The following RIPK2 variants were observed in gnomAD, a reference collection of about 807,000 sequenced individuals.
RIPK2 encodes receptor interacting serine/threonine kinase 2.
Under a neutral mutation model 60.9 loss-of-function variants are expected in RIPK2, and 38 were observed. The ratio of observed to expected loss-of-function variants is 0.62; its 90% CI spans 0.48 to 0.82. The LOEUF (loss-of-function observed/expected upper bound fraction) is 0.82, where lower values mean the gene tolerates loss of function less well. Among genes scored for constraint, RIPK2 ranks in the 40% least tolerant of loss-of-function variants. The pLI is 0.00. For synonymous variants in RIPK2, 225 were observed against 223.4 expected (o/e 1.01, Z -0.06); for missense variants, 518 against 647.0 (o/e 0.80, Z 2.16).
intron 4 of RIPK2, among the ~76,000 whole-genome samples, 193 bp from the exon 5 acceptor site, chr8:89,771,547 AT>A (rs1809310767): frequency 1.3e-5 from 2 of 152,008 alleles, no homozygotes; most frequent in East Asian, 1.9e-4. Context: ...TAATTTCCTA[AT>A]TTTTTAACTT....
intron 6 of RIPK2, among the ~76,000 whole-genome samples, chr8:89,774,324 G>T (rs1195863783): frequency 6.6e-6 from 1 of 152,096 alleles, no homozygotes; most frequent in Non-Finnish European, 1.5e-5. Context: ...ATTTGGAAAT[G>T]CAAATTAAAA....
intron 9 of RIPK2, among the ~76,000 whole-genome samples, chr8:89,788,867 T>C (rs1051588571): frequency 1.3e-5 from 2 of 150,706 alleles, no homozygotes; most frequent in Admixed American, 1.3e-4. Context: ...AGGAAGGAAA[T>C]ATAAGACGAA....
intron 7 of RIPK2, among the ~76,000 whole-genome samples, chr8:89,781,613 AT>A (rs1439175174): frequency 6.6e-6 from 1 of 152,088 alleles, no homozygotes; most frequent in Non-Finnish European, 1.5e-5. Context: ...TGTGATACTT[AT>A]AGGGCAAGAA....
chr8:89,771,800 GT>G lies in RIPK2; in HGVS notation c.691+13del. The G allele has an allele frequency of 6.3e-7, 1 of 1,585,348 alleles. No homozygotes were observed. The highest frequency in any genetic ancestry group is 2.2e-5 in the East Asian group (1 of 44,502). ...AAACAGCCTTTTGAAGGTAAGTATG[GT>G]TTGACTTTTTTATGCTCAATAACAT... On this transcript the variant is annotated intron_variant, in intron 5 of 10. Coordinates refer to ENST00000220751, the MANE Select transcript of RIPK2 (RefSeq NM_003821.6).
Position 89,758,253 on chromosome 8 carries a change from C to T in RIPK2, c.173+20C>T. On this transcript the variant is annotated intron_variant, in intron 1 of 10. Transcript: ENST00000220751. ...CGACAGGTAGGCAGTCACTGGGGTTCCCTGGAAGAGCCCTCAACTCCTGCA... is the reference window on the plus strand; with the variant it reads ...CGACAGGTAGGCAGTCACTGGGGTTTCCTGGAAGAGCCCTCAACTCCTGCA... 1.3e-6 allele frequency: 2 copies of T among 1,581,116 alleles called. No individual in the cohort carries two copies. Among genetic ancestry groups the T allele is most frequent in the Non-Finnish European group, 1.7e-6 (2 of 1,164,326 alleles).
chr8:89,778,335 C>A (rs952508938), intron 6 of RIPK2, among the ~76,000 whole-genome samples: 3 of 151,786 alleles, frequency 2.0e-5, no homozygotes, highest in Non-Finnish European at 4.4e-5. Context: ...ATTTACTTAC[C>A]ATAAAATTTA....
At chr8:89,783,176 A>T (rs950448244) in intron 7 of RIPK2, among the ~76,000 whole-genome samples, 1 of 152,184 alleles carries the variant, frequency 6.6e-6, no homozygotes, top group African/African-American at 2.4e-5. Context: ...CCATTTTCCA[A>T]ATTCTGAAGA....
intron 2 of RIPK2, among the ~76,000 whole-genome samples, chr8:89,764,225 GC>G (rs1381324036): frequency 2.0e-5 from 3 of 152,110 alleles, no homozygotes; most frequent in Non-Finnish European, 4.4e-5. Context: ...CTCTGTGTAT[GC>G]CAGAGAAAGT....
At position 89,762,313 on chromosome 8, in the gene RIPK2, G is replaced by A. The variant is rs764775528; in HGVS notation, c.174-516G>A. ...CTCAGTGATCTTTTCCTGAGTTCTG[G>A]TATATAATTTATAAATATTACTGAC... On this transcript the variant is annotated intron_variant, in intron 1 of 10. Transcript: ENST00000220751. Among the ~76,000 whole-genome samples, 45 of 151,994 alleles carry A rather than the reference G, an allele frequency of 3.0e-4. 1 individual carries two copies. Among genetic ancestry groups the A allele is most frequent in the African/African-American group, 9.2e-4 (38 of 41,420 alleles).
At chr8:89,762,674 A>C (rs866678154) in intron 1 of RIPK2, among the ~76,000 whole-genome samples, 155 bp from the exon 2 acceptor site, 1 of 152,182 alleles carries the variant, frequency 6.6e-6, no homozygotes, top group African/African-American at 2.4e-5. Flanking sequence ...TATTATTTCT[A>C]TTTTAAATAT....
At position 89,785,156 on chromosome 8, in the gene RIPK2, C is replaced by G. The variant is rs116004048; in HGVS notation, c.1029+1017C>G. Among the ~76,000 whole-genome samples the G allele has an allele frequency of 6.4e-3, 970 of 152,250 alleles. 16 individuals carry two copies. Among genetic ancestry groups the G allele is most frequent in the African/African-American group, 0.022 (923 of 41,520 alleles). The stretch of plus-strand genomic sequence containing the variant: ...CATATCAAACCATAGCAACATCTGA[C>G]CTCATATGATAGGTCGCAGTCAAAA... On this transcript the variant is annotated intron_variant, in intron 8 of 10. Coordinates refer to ENST00000220751, the MANE Select transcript of RIPK2 (RefSeq NM_003821.6).
chr8:89,769,849 A>T lies in RIPK2; in HGVS notation c.561A>T (p.Gly187=), dbSNP rs1809285446. The change falls in exon 4 of 11, where the codon GGA becomes GGT. Residue 187 remains glycine, a synonymous_variant. Coordinates refer to ENST00000220751, the MANE Select transcript of RIPK2 (RefSeq NM_003821.6). Reference sequence around the variant, plus strand: ...GAAGTAGCAAATCTGCACCAGAAGGAGGGACAATTATCTATATGCCACCTG... The same window carrying T: ...GAAGTAGCAAATCTGCACCAGAAGGTGGGACAATTATCTATATGCCACCTG... ...QSRSSKSAPE[G]GTIIYMPPEN... is the part of the protein sequence containing the mutation. 1.2e-6 allele frequency: 2 copies of T among 1,609,252 alleles called. No individual in the cohort carries two copies. The highest frequency in any genetic ancestry group is 1.1e-5 in the South Asian group (1 of 90,612).
rs563092606 is a variant in RIPK2 at position 89,771,489 on chromosome 8, C to A, written c.642-252C>A. On this transcript the variant is annotated intron_variant, in intron 4 of 10. Coordinates refer to ENST00000220751, the MANE Select transcript of RIPK2 (RefSeq NM_003821.6). ...TTATCTGGGTGTCCAAGAATTAAAT[C>A]ATCCACAAAAAGTTAATCTTGCATG... Among the ~76,000 whole-genome samples, 3 of 151,984 alleles carry A rather than the reference C, an allele frequency of 2.0e-5. No individual in the cohort carries two copies. In the East Asian group the frequency reaches 5.8e-4, roughly 29 times the overall value.
At chr8:89,761,461 C>T (rs906711394) in intron 1 of RIPK2, among the ~76,000 whole-genome samples, 4 of 152,026 alleles carry the variant, frequency 2.6e-5, no homozygotes, top group African/African-American at 7.2e-5. Flanking sequence ...CCACTGCTAC[C>T]TTTGTAGTTT....
intron 6 of RIPK2, among the ~76,000 whole-genome samples, chr8:89,778,205 T>C (rs919828752): frequency 2.0e-5 from 3 of 152,122 alleles, no homozygotes; most frequent in Non-Finnish European, 2.9e-5. Flanking sequence ...CTAGAGAGTA[T>C]ATATTCTGAA....
intron 8 of RIPK2, 58 bp from the exon 9 acceptor site, chr8:89,786,535 G>T: frequency 1.0e-6 from 1 of 978,454 alleles, no homozygotes; most frequent in East Asian, 2.5e-5. Flanking sequence ...GAACTATTTA[G>T]AAATTAAAGC....
In RIPK2 at chr8:89,757,823, G is replaced by T; in HGVS notation, c.-238G>T. The T allele has an allele frequency of 8.0e-7, 1 of 1,253,066 alleles. No individual in the cohort carries two copies. The highest frequency in any genetic ancestry group is 1.0e-6 in the Non-Finnish European group (1 of 997,094). The allele number at this position is 1,253,066 out of a possible 1,614,324, so 77.6% of individuals were successfully genotyped here. A position where few individuals can be genotyped will look rare whatever the true frequency, so the allele number is the denominator to read the frequency against. Reference sequence around the variant, plus strand: ...GCTGCGAGAGAGGAAGCTCTTTCGCGGCGCTACGGCGTTGGCACCAGTCTC... The same window carrying T: ...GCTGCGAGAGAGGAAGCTCTTTCGCTGCGCTACGGCGTTGGCACCAGTCTC... On this transcript the variant is annotated 5_prime_UTR_variant, in exon 1 of 11. Transcript: ENST00000220751.
intron 1 of RIPK2, among the ~76,000 whole-genome samples, chr8:89,762,551 C>T (rs1022339130): frequency 6.6e-6 from 1 of 152,118 alleles, no homozygotes; most frequent in African/African-American, 2.4e-5. Context: ...TGTTCTTTCC[C>T]ATTCCTGGGA....
intron 6 of RIPK2, among the ~76,000 whole-genome samples, chr8:89,777,804 A>G (rs1809423713): frequency 6.6e-6 from 1 of 152,160 alleles, no homozygotes; most frequent in South Asian, 2.1e-4. Flanking sequence ...ACTACTGCCT[A>G]TACAGCCTGT....
Sources: gnomAD v4.1 joint callset for allele counts (sites outside exome capture counted in the v4.1 genomes callset) on GRCh38, gnomAD v4.1.1 for gene constraint, MANE v1.5 for transcripts, NCBI Gene and HGNC (gene_info 2026-07-23, HGNC 2026-07-21) for gene names.